Variants in HAAO observed in about 807,000 individuals in gnomAD.
HAAO encodes the protein 3-hydroxyanthranilate oxygenase.
Under a neutral mutation model 46.2 loss-of-function variants are expected in HAAO, and 49 were observed. That is an observed-to-expected ratio of 1.06 (90% CI 0.84 to 1.34). The LOEUF is 1.34. Ranked by LOEUF, HAAO falls within the 40% of genes most tolerant of loss-of-function variation. The pLI is 0.00. For missense variants in HAAO, 408 were observed against 364.5 expected (o/e 1.12, Z -0.97); for synonymous variants, 157 against 145.2 (o/e 1.08, Z -0.58).
intron 4 of HAAO, among the ~76,000 whole-genome samples, chr2:42,771,080 T>G (rs542511308): frequency 1.6e-4 from 25 of 152,278 alleles, no homozygotes; most frequent in South Asian, 1.5e-3. Flanking sequence ...GCACGGACAC[T>G]TAAGAAACCA....
intron 2 of HAAO, among the ~76,000 whole-genome samples, chr2:42,785,196 C>T (rs2374443): frequency 0.1 from 15,926 of 152,184 alleles, 1,002 homozygotes; most frequent in South Asian, 0.18. Context: ...CACATATGTG[C>T]TCAGCGCATA....
At chr2:42,772,731 AGAAT>A (rs1553408899) in intron 4 of HAAO, among the ~76,000 whole-genome samples, 1 of 152,106 alleles carries the variant, frequency 6.6e-6, no homozygotes, top group Non-Finnish European at 1.5e-5. Context: ...CCAGATTTTG[AGAAT>A]GAATGTGTAT....
chr2:42,784,070 T>A, intron 2 of HAAO: 1 of 547,752 alleles, frequency 1.8e-6, no homozygotes, highest in Non-Finnish European at 2.3e-6. Flanking sequence ...GATCATGTCT[T>A]GGACATGCAA....
chr2:42,778,741 C>G (rs912837175), intron 4 of HAAO, among the ~76,000 whole-genome samples: 1 of 152,140 alleles, frequency 6.6e-6, no homozygotes, highest in African/African-American at 2.4e-5. Context: ...GAAATTAAAG[C>G]TCCTCAAGGC....
At chr2:42,786,603 G>C (rs1204031752) in intron 2 of HAAO, among the ~76,000 whole-genome samples, 1 of 152,212 alleles carries the variant, frequency 6.6e-6, no homozygotes, top group South Asian at 2.1e-4. Flanking sequence ...GGCTTGGAGA[G>C]GTGACATGAT....
At chr2:42,777,419 A>G (rs1211375187) in intron 4 of HAAO, among the ~76,000 whole-genome samples, 1 of 152,092 alleles carries the variant, frequency 6.6e-6, no homozygotes, top group East Asian at 1.9e-4. Flanking sequence ...CATGCCTAAG[A>G]CGTCTATCTA....
chr2:42,788,173 C>A (rs535625770), intron 2 of HAAO, among the ~76,000 whole-genome samples: 2 of 152,308 alleles, frequency 1.3e-5, no homozygotes, highest in South Asian at 4.2e-4. Flanking sequence ...ATTTTGGAGA[C>A]CAATTGAATC....
chr2:42,786,756 G>A (rs1159195960), intron 2 of HAAO, among the ~76,000 whole-genome samples: 3 of 152,212 alleles, frequency 2.0e-5, no homozygotes, highest in Non-Finnish European at 4.4e-5. Flanking sequence ...GCGCTGGGGA[G>A]TGGGGAGCCG....
intron 5 of HAAO, 78 bp downstream of exon 5, chr2:42,770,415 G>A: frequency 1.8e-6 from 2 of 1,124,212 alleles, no homozygotes; most frequent in Admixed American, 4.6e-5. Flanking sequence ...CCTGGGAGGG[G>A]AGACTTTCTC....
intron 4 of HAAO, chr2:42,782,842 C>A (rs1440947930): frequency 2.2e-6 from 1 of 452,040 alleles, no homozygotes; most frequent in Non-Finnish European, 4.5e-6. Context: ...CCAGACAGAA[C>A]CAATGTTTAT....
chr2:42,777,359 A>G (rs1298953704), intron 4 of HAAO, among the ~76,000 whole-genome samples: 1 of 151,734 alleles, frequency 6.6e-6, no homozygotes, highest in Non-Finnish European at 1.5e-5. Flanking sequence ...GTGAAAGTCT[A>G]AGATAGGAAA....
At chr2:42,778,326 G>A (rs1425361331) in intron 4 of HAAO, among the ~76,000 whole-genome samples, 1 of 135,780 alleles carries the variant, frequency 7.4e-6, no homozygotes, top group Non-Finnish European at 1.6e-5. Context: ...AGGACACCAG[G>A]TCCTGCTAAT....
intron 2 of HAAO, among the ~76,000 whole-genome samples, chr2:42,785,286 G>A (rs999785021): frequency 5.9e-5 from 9 of 152,184 alleles, no homozygotes; most frequent in African/African-American, 2.2e-4. Context: ...AATTATAGGA[G>A]AAATGTAAAT....
At chr2:42,771,504 C>G (rs1247006806) in intron 4 of HAAO, among the ~76,000 whole-genome samples, 1 of 151,382 alleles carries the variant, frequency 6.6e-6, no homozygotes, top group Non-Finnish European at 1.5e-5. Flanking sequence ...AGGGGTTCTT[C>G]TTCTTTCAGG....
In HAAO at chr2:42,767,232, G is replaced by C. The variant is rs1350705349; in HGVS notation, c.*205C>G. On this transcript the variant is annotated 3_prime_UTR_variant, in exon 10 of 10. Transcript: ENST00000294973. Reference sequence around the variant, plus strand: ...GCAAGGCAGTGGGCTGAGTCTGCCAGAGAAGATGGGGAGCTGCTGCCCGCC... The same window carrying C: ...GCAAGGCAGTGGGCTGAGTCTGCCACAGAAGATGGGGAGCTGCTGCCCGCC... 1.6e-6 allele frequency: 1 copy of C among 614,598 alleles called. No homozygotes were observed. Among genetic ancestry groups the C allele is most frequent in the Non-Finnish European group, 2.9e-6 (1 of 341,666 alleles). 38.1% of individuals were successfully genotyped at this position (614,598 alleles called of 1,614,324 possible). A position where few individuals can be genotyped will look rare whatever the true frequency, so the allele number is the denominator to read the frequency against.
rs560680303 is a variant in HAAO at position 42,773,144 on chromosome 2, T to C, written c.351-2562A>G. ...TGTTGACTCCCACTCCTCTCTATAC[T>C]GTCCTGGCCCTAACTCCATATTTCT... On this transcript the variant is annotated intron_variant, in intron 4 of 9. Coordinates refer to ENST00000294973, the MANE Select transcript of HAAO (RefSeq NM_012205.3). Among the ~76,000 whole-genome samples, 25 of 152,366 alleles carry C rather than the reference T, an allele frequency of 1.6e-4. 1 individual carries two copies. The South Asian group carries it at 5.0e-3, about 30-fold the overall frequency.
At chr2:42,770,368 C>G (rs564274074) in intron 5 of HAAO, 125 bp downstream of exon 5, 3 of 907,144 alleles carry the variant, frequency 3.3e-6, no homozygotes, top group Middle Eastern at 2.6e-4. Context: ...CCCCTCCCCC[C>G]GGCCTGGCAG....
chr2:42,781,529 T>G (rs1178343187), intron 4 of HAAO, among the ~76,000 whole-genome samples: 1 of 152,208 alleles, frequency 6.6e-6, no homozygotes, highest in Non-Finnish European at 1.5e-5. Context: ...CTGAGATTCC[T>G]TCTATGGAAC....
chr2:42,783,645 C>T, intron 3 of HAAO, 139 bp downstream of exon 3: 1 of 746,666 alleles, frequency 1.3e-6, no homozygotes, highest in Non-Finnish European at 2.3e-6. Flanking sequence ...GGGGAAGGGG[C>T]AGGTTGGCAG....
Sources: allele counts gnomAD v4.1 joint callset (sites outside exome capture counted in the v4.1 genomes callset), GRCh38; gene constraint gnomAD v4.1.1; transcripts MANE v1.5; gene names NCBI Gene and HGNC (gene_info 2026-07-23, HGNC 2026-07-21).